Variants in EXOC4 observed in about 807,000 individuals in gnomAD.
EXOC4 encodes SEC8-like 1.
EXOC4 carries 71 observed loss-of-function variants against 107.2 expected under a neutral mutation model. That is an observed-to-expected ratio of 0.66 (90% CI 0.55 to 0.81). EXOC4 has a LOEUF of 0.81. Ranked by LOEUF, EXOC4 falls within the 30% of genes least tolerant of loss-of-function variation. The pLI is 0.00. For synonymous variants in EXOC4, 456 were observed against 441.2 expected (o/e 1.03, Z -0.42); for missense variants, 1,108 against 1,189.6 (o/e 0.93, Z 1.01).
chr7:134,094,610 G>A, the EXOC4 span, among the ~76,000 whole-genome samples: 25 of 151,792 alleles, frequency 1.6e-4, no homozygotes, highest in African/African-American at 2.7e-4. Context: ...AAGACACAAC[G>A]AAAAAAGGAA....
rs572945773 is a variant in EXOC4, at chr7:133,353,497, A to T, written c.764-2833A>T. 2.0e-5 allele frequency among the ~76,000 whole-genome samples: 3 copies of T among 152,186 alleles called. No homozygotes were observed. In the South Asian group the frequency reaches 6.2e-4, roughly 32 times the overall value. On this transcript the variant is annotated intron_variant, in intron 5 of 17. Coordinates refer to ENST00000253861, the MANE Select transcript of EXOC4 (RefSeq NM_021807.4). Reference sequence around the variant, plus strand: ...TGCCTTCTGGCCTCGGAAATTTCTGATGAGAAATCTGTGGATAATCTTATT... The same window carrying T: ...TGCCTTCTGGCCTCGGAAATTTCTGTTGAGAAATCTGTGGATAATCTTATT...
At chr7:133,391,516 A>G (rs945582186) in intron 7 of EXOC4, among the ~76,000 whole-genome samples, 1 of 152,208 alleles carries the variant, frequency 6.6e-6, no homozygotes, top group African/African-American at 2.4e-5. Context: ...CTGGAAGGAT[A>G]GACAAACGGG....
chr7:133,957,082 T>G (rs1800836212), intron 14 of EXOC4, among the ~76,000 whole-genome samples: 1 of 152,140 alleles, frequency 6.6e-6, no homozygotes, highest in Non-Finnish European at 1.5e-5. Flanking sequence ...CTCAAAATGA[T>G]CGTTATATTC....
the EXOC4 span, among the ~76,000 whole-genome samples, chr7:134,085,093 A>G: frequency 6.6e-6 from 1 of 152,040 alleles, no homozygotes; most frequent in Non-Finnish European, 1.5e-5. Context: ...ACAGGTGCAT[A>G]CTCCTAAATT....
rs183242136 is a variant in EXOC4 at position 133,675,463 on chromosome 7, T to C, written c.1514+45322T>C. On this transcript the variant is annotated intron_variant, in intron 10 of 17. Transcript: ENST00000253861. ...TGATATGATTTGCTTTTGTAGATATTTGTTCCTTTAAATAAATGGTCACAA... is the reference window on the plus strand; with the variant it reads ...TGATATGATTTGCTTTTGTAGATATCTGTTCCTTTAAATAAATGGTCACAA... Among the ~76,000 whole-genome samples, 135 of 152,338 alleles carry C rather than the reference T, an allele frequency of 8.9e-4. 1 individual carries two copies. The highest frequency in any genetic ancestry group is 3.4e-3 in the Middle Eastern group (1 of 294).
At chr7:133,541,498 C>T (rs900814509) in intron 9 of EXOC4, among the ~76,000 whole-genome samples, 27 of 152,066 alleles carry the variant, frequency 1.8e-4, no homozygotes, top group African/African-American at 6.0e-4. Context: ...TGTTACGTTA[C>T]ATTACGTTAT....
intron 9 of EXOC4, among the ~76,000 whole-genome samples, chr7:133,516,758 A>ATTTTTTTTTTTTTTTTTTT (rs780319592): frequency 0.1 from 5,080 of 48,938 alleles, 1,755 homozygotes; most frequent in South Asian, 0.21. Flanking sequence ...CTAGCTGCTC[A>ATTTTTTTTTTTTTTTTTTT]TTTTTTTTTT....
At chr7:133,737,611 C>A (rs1795470898) in intron 10 of EXOC4, among the ~76,000 whole-genome samples, 1 of 152,070 alleles carries the variant, frequency 6.6e-6, no homozygotes, top group African/African-American at 2.4e-5. Flanking sequence ...TGTGTTTGTA[C>A]ATTAGAAGAT....
intron 7 of EXOC4, among the ~76,000 whole-genome samples, chr7:133,472,282 G>T (rs1450317728): frequency 6.6e-6 from 1 of 152,118 alleles, no homozygotes; most frequent in African/African-American, 2.4e-5. Flanking sequence ...AAAATTAAAT[G>T]AAAACTACAT....
intron 7 of EXOC4, among the ~76,000 whole-genome samples, chr7:133,418,425 G>T (rs1797527912): frequency 6.6e-6 from 1 of 152,138 alleles, no homozygotes; most frequent in Non-Finnish European, 1.5e-5. Flanking sequence ...ACATTGTACT[G>T]CTAAGATACT....
At chr7:133,380,520 C>T (rs1796593790) in intron 7 of EXOC4, among the ~76,000 whole-genome samples, 1 of 152,132 alleles carries the variant, frequency 6.6e-6, no homozygotes, top group Admixed American at 6.5e-5. Flanking sequence ...CCTCATATCC[C>T]ACTCCCTTTA....
chr7:133,380,692 G>A (rs1796599400), intron 7 of EXOC4, among the ~76,000 whole-genome samples: 1 of 152,106 alleles, frequency 6.6e-6, no homozygotes. Context: ...CACTAAAAGA[G>A]GTATCAATTA....
At chr7:133,476,465 C>T (rs1196154145) in intron 8 of EXOC4, among the ~76,000 whole-genome samples, 1 of 151,996 alleles carries the variant, frequency 6.6e-6, no homozygotes, top group Admixed American at 6.6e-5. Flanking sequence ...CTGAAGTATC[C>T]CAGTATATTG....
intron 13 of EXOC4, among the ~76,000 whole-genome samples, chr7:133,922,848 C>CA (rs1308126551): frequency 0.023 from 2,765 of 120,100 alleles, 87 homozygotes; most frequent in African/African-American, 0.073. Context: ...GACTCCGTCT[C>CA]AAAAAAAAAA....
intron 10 of EXOC4, among the ~76,000 whole-genome samples, chr7:133,699,582 G>A (rs1209771482): frequency 6.6e-6 from 1 of 152,096 alleles, no homozygotes; most frequent in South Asian, 2.1e-4. Context: ...GTAGGGTTGC[G>A]GTGGCCTTTA....
At chr7:133,368,054 C>T (rs1426851214) in intron 6 of EXOC4, among the ~76,000 whole-genome samples, 1 of 152,168 alleles carries the variant, frequency 6.6e-6, no homozygotes, top group Non-Finnish European at 1.5e-5. Flanking sequence ...CTCATGAACT[C>T]GTTTGCCCTC....
chr7:133,857,830 C>T (rs1371390031), intron 11 of EXOC4, among the ~76,000 whole-genome samples: 2 of 152,138 alleles, frequency 1.3e-5, no homozygotes, highest in Non-Finnish European at 2.9e-5. Flanking sequence ...CGCTCTGCAG[C>T]TCTCTCATTT....
chr7:133,317,477 C>G (rs1795017165), intron 5 of EXOC4, 87 bp downstream of exon 5: 3 of 918,776 alleles, frequency 3.3e-6, no homozygotes, highest in Non-Finnish European at 5.2e-6. Flanking sequence ...GGGGGCTGAG[C>G]TAGGTTGGGC....
intron 9 of EXOC4, among the ~76,000 whole-genome samples, chr7:133,578,493 A>G: frequency 6.6e-6 from 1 of 152,218 alleles, no homozygotes; most frequent in Non-Finnish European, 1.5e-5. Flanking sequence ...TAGCTTGAAT[A>G]TAATAACATG....
Sources: allele counts gnomAD v4.1 joint callset (sites outside exome capture counted in the v4.1 genomes callset), GRCh38; gene constraint gnomAD v4.1.1; transcripts MANE v1.5; gene names NCBI Gene and HGNC (gene_info 2026-07-23, HGNC 2026-07-21).